The following IFT122 variants were observed in gnomAD, a reference collection of about 807,000 sequenced individuals.
IFT122 encodes intraflagellar transport 122.
In IFT122, 118 loss-of-function variants were observed where a neutral mutation model predicts 161.6. The ratio of observed to expected loss-of-function variants is 0.73; its 90% CI spans 0.63 to 0.85. IFT122 has a LOEUF of 0.85. Among genes scored for constraint, IFT122 ranks in the 40% least tolerant of loss-of-function variants. IFT122 has a pLI of 0.00. For synonymous variants in IFT122, 550 were observed against 602.4 expected (o/e 0.91, Z 1.27); for missense variants, 1,381 against 1,579.6 (o/e 0.87, Z 2.13).
At chr3:129,447,161 A>G (rs915426873) in intron 1 of IFT122, among the ~76,000 whole-genome samples, 1 of 152,162 alleles carries the variant, frequency 6.6e-6, no homozygotes, top group African/African-American at 2.4e-5. Context: ...ATTTTAAGAG[A>G]TTTATTCTGA....
intron 11 of IFT122, 39 bp downstream of exon 11, chr3:129,476,840 G>A (rs766628113): frequency 1.3e-4 from 202 of 1,610,888 alleles, no homozygotes; most frequent in Non-Finnish European, 1.7e-4. Flanking sequence ...AGGGACAGGT[G>A]GAAGCAGGTG....
intron 17 of IFT122, among the ~76,000 whole-genome samples, chr3:129,494,685 A>AGTGTGTGTGT (rs10579071): frequency 6.0e-5 from 9 of 150,618 alleles, no homozygotes; most frequent in East Asian, 4.0e-4. Flanking sequence ...AGCTGTGCTA[A>AGTGTGTGTGT]GTGTGTGTGT....
chr3:129,473,121 A>G (rs929480092), intron 9 of IFT122, among the ~76,000 whole-genome samples: 3 of 152,122 alleles, frequency 2.0e-5, no homozygotes, highest in Non-Finnish European at 4.4e-5. Context: ...GGCTACATAG[A>G]GAGACTCCAT....
intron 3 of IFT122, chr3:129,452,204 C>G: frequency 1.9e-6 from 1 of 531,702 alleles, no homozygotes; most frequent in South Asian, 2.0e-5. Context: ...GTTCAAGGTG[C>G]TTGAGTTACT....
At chr3:129,519,055 G>A (rs2084391460) in intron 27 of IFT122, 52 bp from the exon 28 acceptor site, 1 of 1,470,922 alleles carries the variant, frequency 6.8e-7, no homozygotes, top group Non-Finnish European at 9.5e-7. Flanking sequence ...GTGGAGGCTA[G>A]GGTCTGTCTC....
At chr3:129,457,292 C>G (rs2075623187) in intron 3 of IFT122, among the ~76,000 whole-genome samples, 1 of 152,214 alleles carries the variant, frequency 6.6e-6, no homozygotes, top group East Asian at 1.9e-4. Flanking sequence ...AAATGCGAAT[C>G]TGATCTATCA....
rs752426586 is a variant in IFT122, at chr3:129,479,943, C to T, written c.1488+21C>T. 97 of 1,613,460 alleles carry T rather than the reference C, an allele frequency of 6.0e-5. 1 individual carries two copies. In the Admixed American group the frequency reaches 1.6e-3, roughly 26 times the overall value. On this transcript the variant is annotated intron_variant, in intron 13 of 29. Transcript: ENST00000348417. ...GACAGGTGAGTGCTCCCTCACGTCTCCTGTCAGGCTGATAATCTGCATGCA... is the reference window on the plus strand; with the variant it reads ...GACAGGTGAGTGCTCCCTCACGTCTTCTGTCAGGCTGATAATCTGCATGCA...
chr3:129,483,917 T>G, intron 15 of IFT122: 2 of 587,350 alleles, frequency 3.4e-6, no homozygotes, highest in Non-Finnish European at 6.1e-6. Context: ...CCTTGTCCCC[T>G]TTCTGTAGGG....
At position 129,504,403 on chromosome 3, in the gene IFT122, T is replaced by C. The variant is rs754107579; in HGVS notation, c.2632T>C (p.Phe878Leu). The change falls in exon 21 of 30, where the codon TTT becomes CTT. Residue 878 changes from phenylalanine to leucine, a missense_variant. Coordinates refer to ENST00000348417, the MANE Select transcript of IFT122 (RefSeq NM_052989.3). ...TCAGTGGCTAGCAGAGAACGATCGCTTTGAGGAAGCCCAGAAAGGTAGGCA... is the reference window on the plus strand; with the variant it reads ...TCAGTGGCTAGCAGAGAACGATCGCCTTGAGGAAGCCCAGAAAGGTAGGCA... ...YAQWLAENDR[F>L]EEAQKAFHKA... is the part of the protein sequence containing the mutation. 1 of 1,613,932 alleles carries C rather than the reference T, an allele frequency of 6.2e-7. No homozygotes were observed. The highest frequency in any genetic ancestry group is 1.1e-5 in the South Asian group (1 of 91,076).
At chr3:129,514,149 G>T in intron 24 of IFT122, 1 of 628,584 alleles carries the variant, frequency 1.6e-6, no homozygotes, top group South Asian at 1.7e-5. Context: ...GAGATGCTAA[G>T]CAAGGTTAAA....
intron 12 of IFT122, among the ~76,000 whole-genome samples, 168 bp from the exon 13 acceptor site, chr3:129,479,617 A>G (rs750323471): frequency 9.9e-5 from 15 of 152,122 alleles, no homozygotes; most frequent in Admixed American, 3.3e-4. Flanking sequence ...GAAGCCTTGC[A>G]TGGAGTCTTG....
chr3:129,459,760 CCTTCCTTCCTTCCTTT>C (rs1477690011), intron 4 of IFT122, among the ~76,000 whole-genome samples: 1,410 of 136,760 alleles, frequency 0.01, 31 homozygotes, highest in African/African-American at 0.035. Flanking sequence ...TTCCTTCCTT[CCTTCCTTCCTTCCTTT>C]CTTTTCAGTC....
At chr3:129,463,961 T>G (rs1223200393) in intron 6 of IFT122, among the ~76,000 whole-genome samples, 3 of 152,222 alleles carry the variant, frequency 2.0e-5, no homozygotes, top group Admixed American at 1.3e-4. Context: ...ACTTTGATGC[T>G]AGACCTGAAT....
chr3:129,471,055 G>A (rs1309098114), intron 9 of IFT122, among the ~76,000 whole-genome samples: 1 of 152,240 alleles, frequency 6.6e-6, no homozygotes, highest in Non-Finnish European at 1.5e-5. Context: ...TGACTTATTA[G>A]TAGGCAGGAA....
At chr3:129,488,454 G>T in intron 16 of IFT122, 57 bp downstream of exon 16, 1 of 1,611,388 alleles carries the variant, frequency 6.2e-7, no homozygotes, top group Non-Finnish European at 8.5e-7. Flanking sequence ...CCTTAAGAAG[G>T]CAGATGGGGA....
At chr3:129,469,918 A>G (rs1202453588) in intron 9 of IFT122, among the ~76,000 whole-genome samples, 1 of 152,208 alleles carries the variant, frequency 6.6e-6, no homozygotes, top group East Asian at 1.9e-4. Context: ...ACTTGATAGC[A>G]AAGAGCCCCT....
intron 27 of IFT122, among the ~76,000 whole-genome samples, chr3:129,518,728 T>G (rs1276008307): frequency 2.0e-5 from 3 of 152,148 alleles, no homozygotes; most frequent in Non-Finnish European, 4.4e-5. Flanking sequence ...TGACCCGCCC[T>G]GGGGTCAGCA....
At chr3:129,488,493 G>A in intron 16 of IFT122, 96 bp downstream of exon 16, 1 of 1,529,988 alleles carries the variant, frequency 6.5e-7, no homozygotes, top group Non-Finnish European at 9.0e-7. Context: ...GCCATAGACT[G>A]CAGCAGTCTC....
chr3:129,500,107 A>G (rs1371359052), intron 19 of IFT122, 39 bp downstream of exon 19: 2 of 1,602,526 alleles, frequency 1.2e-6, no homozygotes, highest in Non-Finnish European at 1.7e-6. Flanking sequence ...ATTTGGCAGC[A>G]TGTCATCACA....
Sources: gnomAD v4.1 joint callset for allele counts (sites outside exome capture counted in the v4.1 genomes callset) on GRCh38, gnomAD v4.1.1 for gene constraint, MANE v1.5 for transcripts, NCBI Gene and HGNC (gene_info 2026-07-23, HGNC 2026-07-21) for gene names.